ERC2: variants seen among roughly 807,000 people sequenced by gnomAD.
The protein encoded by ERC2 is ELKS/RAB6-interacting/CAST family member 2, also known as ERC protein 2.
In ERC2, 42 loss-of-function variants were observed where a neutral mutation model predicts 114.8. The observed-to-expected ratio is 0.37, with a 90% CI of 0.29 to 0.47. ERC2 has a LOEUF of 0.47. ERC2 is among the 20% of genes least tolerant of loss of function. The pLI is 0.99. For missense variants in ERC2, 939 were observed against 1,150.7 expected, an observed-to-expected ratio of 0.82 and a Z score of 2.66; for synonymous variants, 454 against 425.5, an observed-to-expected ratio of 1.07 and a Z score of -0.82.
intron 6 of ERC2, among the ~76,000 whole-genome samples, chr3:56,097,072 A>G (rs1005684757): frequency 2.0e-4 from 30 of 152,194 alleles, no homozygotes; most frequent in African/African-American, 7.2e-4. Context: ...ACTTCACATC[A>G]TTGAGTTTTA....
chr3:55,880,715 T>C (rs2063073504), intron 14 of ERC2, among the ~76,000 whole-genome samples: 1 of 151,948 alleles, frequency 6.6e-6, no homozygotes, highest in African/African-American at 2.4e-5. Context: ...TACCATAGTA[T>C]TTAATATTTT....
At chr3:56,155,685 G>A (rs1279208095) in intron 4 of ERC2, among the ~76,000 whole-genome samples, 1 of 152,126 alleles carries the variant, frequency 6.6e-6, no homozygotes, top group Non-Finnish European at 1.5e-5. Context: ...AGGCACAGGA[G>A]CCTAACGTGG....
intron 2 of ERC2, among the ~76,000 whole-genome samples, chr3:56,307,706 C>G (rs575824554): frequency 6.6e-6 from 1 of 152,242 alleles, no homozygotes; most frequent in South Asian, 2.1e-4. Flanking sequence ...AGTGTTTCCC[C>G]AAATACGTTC....
chr3:55,990,175 A>C (rs1244804788), intron 11 of ERC2, among the ~76,000 whole-genome samples: 1 of 152,210 alleles, frequency 6.6e-6, no homozygotes, highest in Middle Eastern at 3.2e-3. Context: ...GACTAGCAGA[A>C]CATCCTCACA....
chr3:56,126,527 G>A (rs1158234790), intron 6 of ERC2, among the ~76,000 whole-genome samples: 1 of 152,104 alleles, frequency 6.6e-6, no homozygotes, highest in Non-Finnish European at 1.5e-5. Flanking sequence ...AGAGGTTGAG[G>A]CACAAGGATC....
intron 15 of ERC2, among the ~76,000 whole-genome samples, chr3:55,712,135 C>CT (rs1160045077): frequency 2.0e-5 from 3 of 152,258 alleles, no homozygotes; most frequent in South Asian, 2.1e-4. Context: ...TTTTAATGTC[C>CT]TTTTTTCCCA....
chr3:55,887,853 G>T (rs1210504825), intron 14 of ERC2, among the ~76,000 whole-genome samples: 1 of 152,234 alleles, frequency 6.6e-6, no homozygotes, highest in African/African-American at 2.4e-5. Context: ...GTGGCGGGGT[G>T]TGGGATTTCT....
chr3:56,383,343 C>G (rs115695860), intron 2 of ERC2, among the ~76,000 whole-genome samples: 2 of 152,166 alleles, frequency 1.3e-5, no homozygotes, highest in Non-Finnish European at 2.9e-5. Context: ...CTTCCATGAT[C>G]CGGTGCCTTT....
At chr3:56,290,354 G>C (rs1413788285) in intron 3 of ERC2, among the ~76,000 whole-genome samples, 1 of 152,184 alleles carries the variant, frequency 6.6e-6, no homozygotes, top group Non-Finnish European at 1.5e-5. Context: ...TGAGGTCTGG[G>C]AATACTGATG....
In ERC2 at chr3:56,400,204, T is replaced by G. The variant is rs75780866; in HGVS notation, c.657+34147A>C. ...ACTAAAACATTTATGGAGGAACTGA[T>G]AGGATATCTGAAATCTGCTTCAAAA... On this transcript the variant is annotated intron_variant, in intron 2 of 17. Transcript: ENST00000288221. 7.1e-3 allele frequency among the ~76,000 whole-genome samples: 1,086 copies of G among 152,258 alleles called. 15 individuals carry two copies. Among genetic ancestry groups the G allele is most frequent in the African/African-American group, 0.024 (1,012 of 41,552 alleles).
intron 14 of ERC2, among the ~76,000 whole-genome samples, chr3:55,777,278 C>T (rs931689470): frequency 8.4e-5 from 12 of 142,560 alleles, no homozygotes; most frequent in South Asian, 4.4e-4. Context: ...GGGGTAACAA[C>T]CTGCAGAAAG....
chr3:56,327,492 T>A (rs2057415901), intron 2 of ERC2, among the ~76,000 whole-genome samples: 1 of 152,118 alleles, frequency 6.6e-6, no homozygotes, highest in South Asian at 2.1e-4. Flanking sequence ...CATATCACAC[T>A]GAAAGATAAT....
chr3:55,843,877 T>C (rs1436335321), intron 14 of ERC2, among the ~76,000 whole-genome samples: 9 of 152,208 alleles, frequency 5.9e-5, no homozygotes, highest in African/African-American at 2.2e-4. Flanking sequence ...AATGAATGTA[T>C]TGTAAAAATA....
chr3:55,979,720 G>A (rs1287696976), intron 12 of ERC2, among the ~76,000 whole-genome samples: 1 of 151,648 alleles, frequency 6.6e-6, no homozygotes, highest in Non-Finnish European at 1.5e-5. Context: ...ACTGGAAAAG[G>A]AGCCACACCA....
chr3:55,673,810 T>G (rs1048255261), intron 17 of ERC2, among the ~76,000 whole-genome samples: 1 of 150,168 alleles, frequency 6.7e-6, no homozygotes, highest in African/African-American at 2.4e-5. Flanking sequence ...CCAAGTTTTT[T>G]TTTTTTTTTT....
At chr3:56,042,394 C>T (rs900572007) in intron 7 of ERC2, among the ~76,000 whole-genome samples, 1 of 152,188 alleles carries the variant, frequency 6.6e-6, no homozygotes, top group Non-Finnish European at 1.5e-5. Flanking sequence ...GCATTCCTAT[C>T]GTGGGGCTGG....
intron 14 of ERC2, among the ~76,000 whole-genome samples, chr3:55,849,762 C>G (rs936596125): frequency 2.0e-5 from 3 of 152,126 alleles, no homozygotes; most frequent in African/African-American, 7.2e-5. Context: ...TCTGGGTAGC[C>G]TGAGATTCTG....
intron 14 of ERC2, among the ~76,000 whole-genome samples, chr3:55,787,643 A>G (rs573208546): frequency 2.6e-5 from 4 of 152,316 alleles, no homozygotes; most frequent in Admixed American, 2.6e-4. Context: ...AATGGGAAAT[A>G]GGAACAAGGG....
chr3:55,522,422 T>A (rs564459458), intron 17 of ERC2, among the ~76,000 whole-genome samples: 1 of 147,042 alleles, frequency 6.8e-6, no homozygotes, highest in Non-Finnish European at 1.5e-5. Flanking sequence ...AGTCTGGATT[T>A]TATATTGTCT....
Sources: allele counts gnomAD v4.1 joint callset (sites outside exome capture counted in the v4.1 genomes callset), GRCh38; gene constraint gnomAD v4.1.1; transcripts MANE v1.5; gene names NCBI Gene and HGNC (gene_info 2026-07-23, HGNC 2026-07-21).